The following BHLHE22 variants were observed in gnomAD, a reference collection of about 807,000 sequenced individuals.
The protein encoded by BHLHE22 is basic helix-loop-helix family member e22.
Under a neutral mutation model 17.6 loss-of-function variants are expected in BHLHE22, and 8 were observed. That is an observed-to-expected ratio of 0.45 (90% confidence interval 0.27 to 0.82). BHLHE22 has a LOEUF of 0.82. Ranked by LOEUF, BHLHE22 falls within the 40% of genes least tolerant of loss-of-function variation. The pLI is 0.16. For missense variants in BHLHE22, 570 were observed against 581.5 expected, an observed-to-expected ratio of 0.98 and a Z score of 0.20; for synonymous variants, 353 against 282.7, an observed-to-expected ratio of 1.25 and a Z score of -2.49.
Position 64,581,801 on chromosome 8 carries a change from G to T in BHLHE22, c.1011G>T (p.Ala337=), listed in dbSNP as rs773163934. ...AAAAAAALHP[A]LGAYEQAAGY... is the part of the protein sequence containing the mutation. ...CAGCAGCTGCTGCCCTGCACCCGGC[G>T]CTCGGCGCCTACGAGCAGGCAGCCG... The change falls in exon 1 of 1, where the codon GCG becomes GCT. Residue 337 remains alanine, a synonymous_variant. Transcript: ENST00000321870. The surrounding 1 kb of genome is among the most constrained non-coding windows in gnomAD (Gnocchi z 6.4). 2.5e-6 allele frequency: 4 copies of T among 1,591,236 alleles called. No homozygotes were observed. In the South Asian group the frequency reaches 4.5e-5, roughly 18 times the overall value.
In BHLHE22 at chr8:64,582,051, A is replaced by C; in HGVS notation, c.*115A>C. On this transcript the variant is annotated 3_prime_UTR_variant, in exon 1 of 1. Transcript: ENST00000321870. Reference sequence around the variant, plus strand: ...TTGTGAAACACTTGCAGAGCAAACAAAGCAGAGGCAAGAACTGAGGAGAAG... The same window carrying C: ...TTGTGAAACACTTGCAGAGCAAACACAGCAGAGGCAAGAACTGAGGAGAAG... 3 of 1,237,986 alleles carry C rather than the reference A, an allele frequency of 2.4e-6. No individual in the cohort carries two copies. Among genetic ancestry groups the C allele is most frequent in the Non-Finnish European group, 3.4e-6 (3 of 886,890 alleles). The allele number at this position is 1,237,986 out of a possible 1,614,324, so 76.7% of individuals were successfully genotyped here.
chr8:64,580,682 A>G lies in BHLHE22; in HGVS notation c.-109A>G, dbSNP rs1251892126. 3 of 591,658 alleles carry G rather than the reference A, an allele frequency of 5.1e-6. No individual in the cohort carries two copies. In the African/African-American group the frequency reaches 6.2e-5, roughly 12 times the overall value. 36.7% of individuals were successfully genotyped at this position (591,658 alleles called of 1,614,324 possible). A position where few individuals can be genotyped will look rare whatever the true frequency, so the allele number is the denominator to read the frequency against. ...CAGCACCAGGACCGACGCGCGCACC[A>G]GCTCCGGAGCCCAGCTCGCGCGCGT... On this transcript the variant is annotated 5_prime_UTR_variant, in exon 1 of 1. Coordinates refer to ENST00000321870, the MANE Select transcript of BHLHE22 (RefSeq NM_152414.5).
Position 64,581,271 on chromosome 8 carries a change from C to T in BHLHE22, c.481C>T (p.Arg161Trp), listed in dbSNP as rs751057120. Residue 161 changes from arginine to tryptophan, a missense_variant, in exon 1 of 1, where the codon CGG (arginine) becomes TGG (tryptophan). Physicochemically the swap from Arg to Trp is moderately radical, Grantham distance 101. Around this residue, in one of 3 missense-constraint regions of BHLHE22, gnomAD observed 427 missense variants for 376.2 expected, o/e 1.14. Transcript: ENST00000321870. The surrounding 1 kb of genome is among the most constrained non-coding windows in gnomAD (Gnocchi z 6.4). ...CGACGGTCGCTGCGAGCTCGTGCTGCGGGCCGGAGTAGCCGACCCGCGGGC... is the reference window on the plus strand; with the variant it reads ...CGACGGTCGCTGCGAGCTCGTGCTGTGGGCCGGAGTAGCCGACCCGCGGGC... ...DSDGRCELVLRAGVADPRASP... is the reference protein window; with the variant it reads ...DSDGRCELVLWAGVADPRASP... 48 of 1,442,398 alleles carry T rather than the reference C, an allele frequency of 3.3e-5. No individual in the cohort carries two copies. Among genetic ancestry groups the T allele is most frequent in the Non-Finnish European group, 4.3e-5 (48 of 1,110,194 alleles). 89.3% of individuals were successfully genotyped at this position (1,442,398 alleles called of 1,614,324 possible).
At position 64,581,336 on chromosome 8, in the gene BHLHE22, G is replaced by C; in HGVS notation, c.546G>C (p.Glu182Asp). The C allele has an allele frequency of 6.8e-7, 1 of 1,463,366 alleles. No homozygotes were observed. The highest frequency in any genetic ancestry group is 8.9e-7 in the Non-Finnish European group (1 of 1,120,120). 90.6% of individuals were successfully genotyped at this position (1,463,366 alleles called of 1,614,324 possible). ...GAGGGGAKAA[E>D]GCSNAHLHGG... Reference sequence around the variant, plus strand: ...GAGGTGGTGGCGCGAAGGCAGCCGAGGGCTGCTCCAATGCCCACCTCCACG... The same window carrying C: ...GAGGTGGTGGCGCGAAGGCAGCCGACGGCTGCTCCAATGCCCACCTCCACG... Residue 182 changes from glutamate to aspartate, a missense_variant, in exon 1 of 1, where the codon GAG becomes GAC. Around this residue, in one of 3 missense-constraint regions of BHLHE22, gnomAD observed 427 missense variants for 376.2 expected, o/e 1.14. Coordinates refer to ENST00000321870, the MANE Select transcript of BHLHE22 (RefSeq NM_152414.5). This position sits in a 1 kb window ranked among gnomAD's most constrained non-coding sequence, Gnocchi z 6.4.
chr8:64,581,190 A>G lies in BHLHE22; in HGVS notation c.400A>G (p.Ser134Gly). The G allele has an allele frequency of 7.0e-7, 1 of 1,432,766 alleles. No individual in the cohort carries two copies. The highest frequency in any genetic ancestry group is 9.1e-7 in the Non-Finnish European group (1 of 1,104,432). The allele number at this position is 1,432,766 out of a possible 1,614,324, so 88.8% of individuals were successfully genotyped here. The change falls in exon 1 of 1, where the codon AGC (serine) becomes GGC (glycine). Residue 134 changes from serine to glycine, a missense_variant. By Grantham distance (56) the Ser-to-Gly change is moderately conservative. Around this residue, in one of 3 missense-constraint regions of BHLHE22, gnomAD observed 427 missense variants for 376.2 expected, o/e 1.14. Coordinates refer to ENST00000321870, the MANE Select transcript of BHLHE22 (RefSeq NM_152414.5). The surrounding 1 kb of genome is among the most constrained non-coding windows in gnomAD (Gnocchi z 6.4). ...TTGCCTCAAGTACGGCGAAAGCGCGAGCCGGGGCTCGGTGGCCGAGAGCAG... is the reference window on the plus strand; with the variant it reads ...TTGCCTCAAGTACGGCGAAAGCGCGGGCCGGGGCTCGGTGGCCGAGAGCAG... The part of the protein sequence containing the change: ...ALCLKYGESA[S>G]RGSVAESSGG...
At position 64,581,192 on chromosome 8, in the gene BHLHE22, C is replaced by G. The variant is rs751094634; in HGVS notation, c.402C>G (p.Ser134Arg). The change falls in exon 1 of 1, where the codon AGC becomes AGG. Residue 134 changes from serine to arginine, a missense_variant. By Grantham distance (110) the Ser-to-Arg change is moderately radical. Transcript: ENST00000321870. The surrounding 1 kb of genome is among the most constrained non-coding windows in gnomAD (Gnocchi z 6.4). ...ALCLKYGESA[S>R]RGSVAESSGG... Reference sequence around the variant, plus strand: ...GCCTCAAGTACGGCGAAAGCGCGAGCCGGGGCTCGGTGGCCGAGAGCAGCG... The same window carrying G: ...GCCTCAAGTACGGCGAAAGCGCGAGGCGGGGCTCGGTGGCCGAGAGCAGCG... 4 of 1,435,792 alleles carry G rather than the reference C, an allele frequency of 2.8e-6. No homozygotes were observed. Among genetic ancestry groups the G allele is most frequent in the Non-Finnish European group, 3.6e-6 (4 of 1,105,806 alleles). The allele number at this position is 1,435,792 out of a possible 1,614,324, so 88.9% of individuals were successfully genotyped here.
rs142170160 is a variant in BHLHE22, at chr8:64,581,693, G to A, written c.903G>A (p.Glu301=). 5.2e-5 allele frequency: 83 copies of A among 1,610,798 alleles called. No individual in the cohort carries two copies. The Admixed American group carries it at 5.3e-4, about 10-fold the overall frequency. ...TCCTCATGCAGGCGCAGGCCCTGGA[G>A]GAGATGCGGCGCCTAGTCGCCTACC... ...NYILMQAQAL[E]EMRRLVAYLN... is the part of the protein sequence containing the mutation. The change falls in exon 1 of 1, where the codon GAG becomes GAA. Residue 301 remains glutamate, a synonymous_variant. Transcript: ENST00000321870. This position sits in a 1 kb window ranked among gnomAD's most constrained non-coding sequence, Gnocchi z 6.4.
rs1176920362 is a variant in BHLHE22 at position 64,580,684 on chromosome 8, C to T, written c.-107C>T. On this transcript the variant is annotated 5_prime_UTR_variant, in exon 1 of 1. Transcript: ENST00000321870. ...GCACCAGGACCGACGCGCGCACCAG[C>T]TCCGGAGCCCAGCTCGCGCGCGTCT... is the stretch of plus-strand genomic sequence containing the variant. 1.6e-6 allele frequency: 1 copy of T among 635,060 alleles called. No homozygotes were observed. Among genetic ancestry groups the T allele is most frequent in the Non-Finnish European group, 2.0e-6 (1 of 507,982 alleles). The allele number at this position is 635,060 out of a possible 1,614,324, so 39.3% of individuals were successfully genotyped here. A position where few individuals can be genotyped will look rare whatever the true frequency, so the allele number is the denominator to read the frequency against.
Position 64,581,069 on chromosome 8 carries a change from C to G in BHLHE22, c.279C>G (p.Gly93=). The G allele has an allele frequency of 7.6e-7, 1 of 1,323,262 alleles. No homozygotes were observed. Among genetic ancestry groups the G allele is most frequent in the South Asian group, 2.3e-5 (1 of 44,402 alleles). 82.0% of individuals were successfully genotyped at this position (1,323,262 alleles called of 1,614,324 possible). The change falls in exon 1 of 1, where the codon GGC becomes GGG. Residue 93 remains glycine, a synonymous_variant. Transcript: ENST00000321870. This position sits in a 1 kb window ranked among gnomAD's most constrained non-coding sequence, Gnocchi z 6.4. ...GCGGCAGCGCGGGAAGTGGCGGCGG[C>G]GGCGGCGGCGGGGTGGGTGTCCCCG... The part of the protein sequence containing the change: ...GGGGSAGSGG[G]GGGGVGVPGL...
Position 64,582,085 on chromosome 8 carries a change from A to AC in BHLHE22, c.*150dup. The AC allele has an allele frequency of 1.0e-6, 1 of 967,576 alleles. No individual in the cohort carries two copies. Among genetic ancestry groups the AC allele is most frequent in the Non-Finnish European group, 1.5e-6 (1 of 655,498 alleles). 59.9% of individuals were successfully genotyped at this position (967,576 alleles called of 1,614,324 possible). ...CAAGAACTGAGGAGAAGTATCAGAG[A>AC]CAAACGGGACTTTTAGCCTTGACAT... On this transcript the variant is annotated 3_prime_UTR_variant, in exon 1 of 1. Coordinates refer to ENST00000321870, the MANE Select transcript of BHLHE22 (RefSeq NM_152414.5).
rs1049640253 is a variant in BHLHE22 at position 64,581,802 on chromosome 8, C to A, written c.1012C>A (p.Leu338Ile). The change falls in exon 1 of 1, where the codon CTC becomes ATC. Residue 338 changes from leucine (L) to isoleucine (I), a missense_variant. Around this residue, in one of 3 missense-constraint regions of BHLHE22, gnomAD observed 111 missense variants for 122.0 expected, o/e 0.91. Transcript: ENST00000321870. The surrounding 1 kb of genome is among the most constrained non-coding windows in gnomAD (Gnocchi z 6.4). ...AGCAGCTGCTGCCCTGCACCCGGCG[C>A]TCGGCGCCTACGAGCAGGCAGCCGG... The part of the protein sequence containing the change: ...AAAAAALHPA[L>I]GAYEQAAGYP... 3 of 1,591,976 alleles carry A rather than the reference C, an allele frequency of 1.9e-6. No homozygotes were observed. The African/African-American group carries it at 4.0e-5, about 21-fold the overall frequency.
Position 64,581,146 on chromosome 8 carries a change from T to G in BHLHE22, c.356T>G (p.Leu119Arg). The change falls in exon 1 of 1, where the codon CTG becomes CGG. Residue 119 changes from leucine (L) to arginine (R), a missense_variant. Around this residue, in one of 3 missense-constraint regions of BHLHE22, gnomAD observed 427 missense variants for 376.2 expected, o/e 1.14. Coordinates refer to ENST00000321870, the MANE Select transcript of BHLHE22 (RefSeq NM_152414.5). The surrounding 1 kb of genome is among the most constrained non-coding windows in gnomAD (Gnocchi z 6.4). ...GVGGDPSLSS[L>R]PAGAALCLKY... is the part of the protein sequence containing the mutation. ...GGGGGCGACCCTAGCCTAAGCAGCC[T>G]GCCGGCCGGGGCCGCCCTTTGCCTC... 7.1e-7 allele frequency: 1 copy of G among 1,406,270 alleles called. No homozygotes were observed. The highest frequency in any genetic ancestry group is 9.2e-7 in the Non-Finnish European group (1 of 1,091,016). The allele number at this position is 1,406,270 out of a possible 1,614,324, so 87.1% of individuals were successfully genotyped here. A position where few individuals can be genotyped will look rare whatever the true frequency, so the allele number is the denominator to read the frequency against.
At position 64,581,379 on chromosome 8, in the gene BHLHE22, C is replaced by T; in HGVS notation, c.589C>T (p.Pro197Ser). Reference sequence around the variant, plus strand: ...CCTCCACGGCGGCGCCAGCGTCCCCCCGGGGGGCCTGGGCGGCGGCGGCGG... The same window carrying T: ...CCTCCACGGCGGCGCCAGCGTCCCCTCGGGGGGCCTGGGCGGCGGCGGCGG... ...AHLHGGASVP[P>S]GGLGGGGGGG... The change falls in exon 1 of 1, where the codon CCG becomes TCG. Residue 197 changes from proline to serine, a missense_variant. Coordinates refer to ENST00000321870, the MANE Select transcript of BHLHE22 (RefSeq NM_152414.5). The surrounding 1 kb of genome is among the most constrained non-coding windows in gnomAD (Gnocchi z 6.4). 4 of 1,498,244 alleles carry T rather than the reference C, an allele frequency of 2.7e-6. No homozygotes were observed. Among genetic ancestry groups the T allele is most frequent in the Non-Finnish European group, 3.5e-6 (4 of 1,131,958 alleles). The allele number at this position is 1,498,244 out of a possible 1,614,324, so 92.8% of individuals were successfully genotyped here.
Position 64,581,704 on chromosome 8 carries a change from G to A in BHLHE22, c.914G>A (p.Arg305His). 2 of 1,607,512 alleles carry A rather than the reference G, an allele frequency of 1.2e-6. No individual in the cohort carries two copies. The highest frequency in any genetic ancestry group is 1.7e-6 in the Non-Finnish European group (2 of 1,177,894). The change falls in exon 1 of 1, where the codon CGC becomes CAC. Residue 305 changes from arginine to histidine, a missense_variant. Physicochemically the swap from Arg to His is conservative, Grantham distance 29. Coordinates refer to ENST00000321870, the MANE Select transcript of BHLHE22 (RefSeq NM_152414.5). This position sits in a 1 kb window ranked among gnomAD's most constrained non-coding sequence, Gnocchi z 6.4. Reference protein sequence around the residue: ...MQAQALEEMRRLVAYLNQGQA... With the variant: ...MQAQALEEMRHLVAYLNQGQA... Reference sequence around the variant, plus strand: ...GCGCAGGCCCTGGAGGAGATGCGGCGCCTAGTCGCCTACCTCAACCAGGGC... The same window carrying A: ...GCGCAGGCCCTGGAGGAGATGCGGCACCTAGTCGCCTACCTCAACCAGGGC...
chr8:64,581,463 GGCAGCAGCAGCAGCAGCAGCA>G lies in BHLHE22; in HGVS notation c.683_703del (p.Ser228_Ser234del), dbSNP rs34265378. On this transcript the variant is annotated inframe_deletion, in exon 1 of 1. Coordinates refer to ENST00000321870, the MANE Select transcript of BHLHE22 (RefSeq NM_152414.5). The surrounding 1 kb of genome is among the most constrained non-coding windows in gnomAD (Gnocchi z 6.4). ...TGGCGGTAGCGGTAGCGGCAGCGGC[GGCAGCAGCAGCAGCAGCAGCA>G]GCAGCAGCAAGAAATCCAAAGAGCA... The G allele has an allele frequency of 2.1e-6, 3 of 1,450,642 alleles. No homozygotes were observed. The highest frequency in any genetic ancestry group is 9.3e-7 in the Non-Finnish European group (1 of 1,072,894). The allele number at this position is 1,450,642 out of a possible 1,614,324, so 89.9% of individuals were successfully genotyped here. A position where few individuals can be genotyped will look rare whatever the true frequency, so the allele number is the denominator to read the frequency against.
In BHLHE22 at chr8:64,580,967, G is replaced by A. The variant is rs771344503; in HGVS notation, c.177G>A (p.Ser59=). The part of the protein sequence containing the change: ...PPRERPASSS[S]SPLGCFEPAD... ...GGGAACGCCCGGCGTCCTCCTCCTC[G>A]TCGCCCCTGGGCTGCTTCGAGCCGG... Residue 59 remains serine, a synonymous_variant, in exon 1 of 1, where the codon TCG becomes TCA. Coordinates refer to ENST00000321870, the MANE Select transcript of BHLHE22 (RefSeq NM_152414.5). The A allele has an allele frequency of 1.3e-5, 18 of 1,432,252 alleles. No homozygotes were observed. The highest frequency in any genetic ancestry group is 5.0e-5 in the Admixed American group (2 of 39,606). The allele number at this position is 1,432,252 out of a possible 1,614,324, so 88.7% of individuals were successfully genotyped here. A position where few individuals can be genotyped will look rare whatever the true frequency, so the allele number is the denominator to read the frequency against.
In BHLHE22 at chr8:64,581,265, G is replaced by A; in HGVS notation, c.475G>A (p.Val159Met). ...DDDSDGRCEL[V>M]LRAGVADPRA... ...CGACAGCGACGGTCGCTGCGAGCTC[G>A]TGCTGCGGGCCGGAGTAGCCGACCC... The change falls in exon 1 of 1, where the codon GTG becomes ATG. Residue 159 changes from valine to methionine, a missense_variant. Val to Met is a conservative substitution (Grantham distance 21). Around this residue, in one of 3 missense-constraint regions of BHLHE22, gnomAD observed 427 missense variants for 376.2 expected, o/e 1.14. Transcript: ENST00000321870. This position sits in a 1 kb window ranked among gnomAD's most constrained non-coding sequence, Gnocchi z 6.4. The A allele has an allele frequency of 6.9e-7, 1 of 1,448,172 alleles. No homozygotes were observed. The highest frequency in any genetic ancestry group is 9.0e-7 in the Non-Finnish European group (1 of 1,113,160). The allele number at this position is 1,448,172 out of a possible 1,614,324, so 89.7% of individuals were successfully genotyped here.
rs1273988581 is a variant in BHLHE22, at chr8:64,581,421, G to A, written c.631G>A (p.Gly211Ser). The A allele has an allele frequency of 1.3e-6, 2 of 1,535,990 alleles. No individual in the cohort carries two copies. The highest frequency in any genetic ancestry group is 2.0e-5 in the Admixed American group (1 of 50,984). ...GGGGGGGSSS[G>S]SSGGGGGSGS... ...CGGCGGCGGCGGGGGTAGCAGCAGC[G>A]GTAGCAGTGGCGGCGGTGGCGGTAG... is the stretch of plus-strand genomic sequence containing the variant. The change falls in exon 1 of 1, where the codon GGT becomes AGT. Residue 211 changes from glycine (G) to serine (S), a missense_variant. Around this residue, in one of 3 missense-constraint regions of BHLHE22, gnomAD observed 427 missense variants for 376.2 expected, o/e 1.14. Coordinates refer to ENST00000321870, the MANE Select transcript of BHLHE22 (RefSeq NM_152414.5). The surrounding 1 kb of genome is among the most constrained non-coding windows in gnomAD (Gnocchi z 6.4).
Position 64,582,118 on chromosome 8 carries a change from A to G in BHLHE22, c.*182A>G. On this transcript the variant is annotated 3_prime_UTR_variant, in exon 1 of 1. Transcript: ENST00000321870. ...GACTTTTAGCCTTGACATCCCCAGA[A>G]TCTCGGTCTTTGGGGTGGGGAGGGA... The G allele has an allele frequency of 1.9e-6, 1 of 536,746 alleles. No homozygotes were observed. The highest frequency in any genetic ancestry group is 3.2e-6 in the Non-Finnish European group (1 of 312,080). 33.2% of individuals were successfully genotyped at this position (536,746 alleles called of 1,614,324 possible).
Sources: gnomAD v4.1 joint callset for allele counts on GRCh38, gnomAD v4.1.1 for gene constraint, gnomAD v4.1.1 regional missense constraint, Gnocchi (gnomAD v3.1) non-coding constraint, MANE v1.5 for transcripts, NCBI Gene and HGNC (gene_info 2026-07-23, HGNC 2026-07-21) for gene names.